ZNF468: variants seen among roughly 807,000 people sequenced by gnomAD.
ZNF468 encodes the protein zinc finger protein 468, also known as zinc finger protein ZNF468.
ZNF468 carries 8 observed loss-of-function variants against 7.2 expected under a neutral mutation model. The observed-to-expected ratio is 1.11, with a 90% confidence interval of 0.65 to 2.01. ZNF468 has a LOEUF of 2.01. ZNF468 is among the 30% of genes most tolerant of loss of function. The probability of loss-of-function intolerance (pLI) is 0.00; values close to 1 mark genes in which losing one functional copy is unlikely to be tolerated. For synonymous variants in ZNF468, 218 were observed against 214.4 expected, an observed-to-expected ratio of 1.02 and a Z score of -0.15; for missense variants, 608 against 626.5, an observed-to-expected ratio of 0.97 and a Z score of 0.31.
intron 1 of ZNF468, among the ~76,000 whole-genome samples, chr19:52,855,984 G>A (rs2063434923): frequency 6.6e-6 from 1 of 152,304 alleles, no homozygotes; most frequent in East Asian, 1.9e-4. Flanking sequence ...AGGGCTAATG[G>A]GATGGGTTGG....
chr19:52,843,994 C>T (rs745366401), intron 3 of ZNF468, among the ~76,000 whole-genome samples: 15 of 152,082 alleles, frequency 9.9e-5, no homozygotes, highest in East Asian at 3.9e-4. Flanking sequence ...TGAAGGAAGA[C>T]GCCTGTAATC....
chr19:52,842,234 AAC>A, intron 3 of ZNF468, 83 bp from the exon 4 acceptor site: 1 of 1,233,928 alleles, frequency 8.1e-7, no homozygotes, highest in Non-Finnish European at 1.1e-6. Flanking sequence ...ACAGAAAAAA[AAC>A]AATACTTATT....
At chr19:52,855,503 G>T (rs1362127063) in intron 1 of ZNF468, among the ~76,000 whole-genome samples, 1 of 152,258 alleles carries the variant, frequency 6.6e-6, no homozygotes, top group African/African-American at 2.4e-5. Flanking sequence ...TGAACACAGG[G>T]CTGTGGAGCC....
intron 3 of ZNF468, among the ~76,000 whole-genome samples, chr19:52,846,367 C>T (rs1236338117): frequency 6.6e-6 from 1 of 152,058 alleles, no homozygotes; most frequent in African/African-American, 2.4e-5. Context: ...ACCTGGCTAA[C>T]TTTTGTAATT....
intron 3 of ZNF468, among the ~76,000 whole-genome samples, chr19:52,846,126 C>T (rs1200948856): frequency 6.6e-6 from 1 of 152,070 alleles, no homozygotes; most frequent in Non-Finnish European, 1.5e-5. Context: ...AAACACTGTA[C>T]ATATATGTTA....
chr19:52,845,637 C>T (rs559783467), intron 3 of ZNF468, among the ~76,000 whole-genome samples: 1 of 151,938 alleles, frequency 6.6e-6, no homozygotes, highest in African/African-American at 2.4e-5. Flanking sequence ...CCAGCCCGGG[C>T]AAGAGAGTGA....
chr19:52,856,312 G>A (rs1437969940), intron 1 of ZNF468, among the ~76,000 whole-genome samples: 1 of 151,970 alleles, frequency 6.6e-6, no homozygotes, highest in African/African-American at 2.4e-5. Context: ...CCTGAGGTCA[G>A]GAGTTTGAGA....
chr19:52,851,639 G>A (rs989717452), intron 2 of ZNF468, among the ~76,000 whole-genome samples: 4 of 151,792 alleles, frequency 2.6e-5, no homozygotes, highest in African/African-American at 9.7e-5. Context: ...TACCTCAGAG[G>A]CAGAGGTCAG....
At chr19:52,854,430 C>A in intron 1 of ZNF468, 85 bp from the exon 2 acceptor site, 1 of 1,369,454 alleles carries the variant, frequency 7.3e-7, no homozygotes, top group Non-Finnish European at 9.9e-7. Context: ...GGAGACCTCA[C>A]CCTGGGAAAT....
intron 1 of ZNF468, among the ~76,000 whole-genome samples, chr19:52,855,178 G>GA (rs66547173): frequency 0.19 from 24,744 of 128,372 alleles, 2,348 homozygotes; most frequent in South Asian, 0.26. Flanking sequence ...GAGTCTGTTT[G>GA]AAAAAAAAAA....
chr19:52,845,484 C>A (rs2063335540), intron 3 of ZNF468, among the ~76,000 whole-genome samples: 1 of 151,644 alleles, frequency 6.6e-6, no homozygotes, highest in Non-Finnish European at 1.5e-5. Flanking sequence ...CATGGTGAAA[C>A]CCCATCTCTA....
Position 52,854,456 on chromosome 19 carries a change from G to A in ZNF468, c.-73-111C>T, listed in dbSNP as rs112282343. On this transcript the variant is annotated intron_variant, in intron 1 of 3. Coordinates refer to ENST00000595646, the MANE Select transcript of ZNF468 (RefSeq NM_001008801.2). ...CCTGGGAAATACGGTCCCCTCTGCT[G>A]CCCACTGCACAATGAACAAAAAATT... The A allele has an allele frequency of 1.3e-5, 15 of 1,148,414 alleles. No homozygotes were observed. In the African/African-American group the frequency reaches 1.7e-4, roughly 13 times the overall value. 71.1% of individuals were successfully genotyped at this position (1,148,414 alleles called of 1,614,324 possible). A position where few individuals can be genotyped will look rare whatever the true frequency, so the allele number is the denominator to read the frequency against.
At chr19:52,856,706 ATC>A (rs1218923987) in intron 1 of ZNF468, among the ~76,000 whole-genome samples, 2 of 137,040 alleles carry the variant, frequency 1.5e-5, no homozygotes, top group Admixed American at 7.2e-5. Context: ...GCTGTCCTTC[ATC>A]TCTCTGTACA....
intron 3 of ZNF468, among the ~76,000 whole-genome samples, chr19:52,842,841 A>AAAAAAGGGATGG: frequency 7.3e-6 from 1 of 136,246 alleles, no homozygotes; most frequent in Non-Finnish European, 1.6e-5. Context: ...AAAAAAAAAA[A>AAAAAAGGGATGG]GACATGGCAT....
intron 1 of ZNF468, 45 bp from the exon 2 acceptor site, chr19:52,854,390 C>T (rs1600536341): frequency 3.9e-6 from 6 of 1,542,848 alleles, no homozygotes; most frequent in East Asian, 2.3e-5. Context: ...ATCAACACAC[C>T]CCCTCCCTTA....
chr19:52,838,904 T>C lies in ZNF468; in HGVS notation c.*1821A>G, dbSNP rs2063270418. ...ATCGCTCAATGATTATATACTCAAT[T>C]GTGATTTAGATTCGGTACAATACTC... On this transcript the variant is annotated 3_prime_UTR_variant, in exon 4 of 4. Transcript: ENST00000595646. The C allele has an allele frequency of 6.6e-6, 1 of 152,132 alleles. No homozygotes were observed. The highest frequency in any genetic ancestry group is 2.4e-5 in the African/African-American group (1 of 41,408). 9.4% of individuals were successfully genotyped at this position (152,132 alleles called of 1,614,324 possible).
intron 2 of ZNF468, chr19:52,849,484 T>C (rs1271884698): frequency 3.0e-6 from 2 of 659,192 alleles, no homozygotes; most frequent in African/African-American, 1.9e-5. Flanking sequence ...GGGTTCCTGT[T>C]ATAAAAATGT....
chr19:52,851,584 A>T (rs1420395200), intron 2 of ZNF468, among the ~76,000 whole-genome samples: 1 of 151,800 alleles, frequency 6.6e-6, no homozygotes, highest in African/African-American at 2.4e-5. Context: ...AAAAAATAAA[A>T]ATTAAAATTA....
At chr19:52,848,701 C>A (rs1157829855) in intron 3 of ZNF468, among the ~76,000 whole-genome samples, 2 of 152,034 alleles carry the variant, frequency 1.3e-5, no homozygotes, top group African/African-American at 4.8e-5. Flanking sequence ...CACGTACGTG[C>A]CACCACACCC....
Sources: allele counts gnomAD v4.1 joint callset (sites outside exome capture counted in the v4.1 genomes callset), GRCh38; gene constraint gnomAD v4.1.1; transcripts MANE v1.5; gene names NCBI Gene and HGNC (gene_info 2026-07-23, HGNC 2026-07-21).